The following ASTN2 variants were observed in gnomAD, a reference collection of about 807,000 sequenced individuals.
ASTN2 encodes astrotactin 2.
ASTN2 carries 54 observed loss-of-function variants against 139.8 expected under a neutral mutation model. The ratio of observed to expected loss-of-function variants is 0.39; its 90% CI spans 0.31 to 0.48. ASTN2 has a LOEUF of 0.48. ASTN2 is among the 20% of genes least tolerant of loss of function. ASTN2 has a pLI of 0.95. For synonymous variants in ASTN2, 756 were observed against 719.5 expected (o/e 1.05, Z -0.81); for missense variants, 1,565 against 1,725.1 (o/e 0.91, Z 1.64).
intron 10 of ASTN2, among the ~76,000 whole-genome samples, chr9:116,945,928 T>C (rs564141792): frequency 6.6e-6 from 1 of 152,290 alleles, no homozygotes; most frequent in African/African-American, 2.4e-5. Flanking sequence ...ACAGAGAGCA[T>C]AACTGGGAGG....
intron 19 of ASTN2, among the ~76,000 whole-genome samples, chr9:116,607,302 T>C (rs868094808): frequency 6.6e-6 from 1 of 152,152 alleles, no homozygotes; most frequent in African/African-American, 2.4e-5. Context: ...CATATAAGGA[T>C]ACAAGATTCA....
At chr9:116,704,096 T>A (rs1827925540) in intron 16 of ASTN2, among the ~76,000 whole-genome samples, 1 of 152,216 alleles carries the variant, frequency 6.6e-6, no homozygotes, top group Admixed American at 6.5e-5. Flanking sequence ...GAAGTCAGGC[T>A]TGTGTCTGAA....
At chr9:116,791,036 AAAG>A (rs373149171) in intron 13 of ASTN2, among the ~76,000 whole-genome samples, 7,988 of 102,840 alleles carry the variant, frequency 0.078, 644 homozygotes, top group East Asian at 0.38. Flanking sequence ...AGAAAGAAAG[AAAG>A]AAAGAAAAGA....
intron 3 of ASTN2, among the ~76,000 whole-genome samples, chr9:117,198,777 T>C (rs1831599351): frequency 1.3e-5 from 2 of 152,206 alleles, no homozygotes; most frequent in Admixed American, 1.3e-4. Context: ...CATTCCTATT[T>C]CTCCATATCT....
At chr9:116,634,589 CAAAAAAAAAAAAAA>C (rs57882262) in intron 17 of ASTN2, among the ~76,000 whole-genome samples, 1 of 104,236 alleles carries the variant, frequency 9.6e-6, no homozygotes, top group East Asian at 2.4e-4. Context: ...GACTCCGTCT[CAAAAAAAAAAAAAA>C]AAAAAAAAAA....
chr9:117,413,717 C>A (rs1440544480), intron 1 of ASTN2, among the ~76,000 whole-genome samples: 1 of 152,194 alleles, frequency 6.6e-6, no homozygotes, highest in Non-Finnish European at 1.5e-5. Flanking sequence ...CTCCTCTCCT[C>A]TCCTTTTTCT....
At chr9:116,876,215 G>C (rs1265122579) in intron 10 of ASTN2, among the ~76,000 whole-genome samples, 1 of 152,136 alleles carries the variant, frequency 6.6e-6, no homozygotes, top group Admixed American at 6.6e-5. Flanking sequence ...GGGGTTCAAG[G>C]CTTCAGTGGA....
At chr9:116,761,207 T>G (rs1829664204) in intron 13 of ASTN2, among the ~76,000 whole-genome samples, 1 of 152,244 alleles carries the variant, frequency 6.6e-6, no homozygotes, top group South Asian at 2.1e-4. Context: ...AAACATTTGC[T>G]GATTGCTATT....
At chr9:116,508,175 G>T (rs1587904235) in intron 19 of ASTN2, among the ~76,000 whole-genome samples, 1 of 152,334 alleles carries the variant, frequency 6.6e-6, no homozygotes. Flanking sequence ...ACAGGCGTGA[G>T]CCACCACGCC....
chr9:116,431,624 T>C (rs984002364), intron 22 of ASTN2, among the ~76,000 whole-genome samples: 2 of 152,174 alleles, frequency 1.3e-5, no homozygotes, highest in Non-Finnish European at 2.9e-5. Flanking sequence ...TACATTGTTG[T>C]AGCAACAAAA....
rs1829015204 is a variant in ASTN2 at position 117,340,002 on chromosome 9, G to C, written c.443-48489C>G. 2.6e-5 allele frequency among the ~76,000 whole-genome samples: 4 copies of C among 151,676 alleles called. No individual in the cohort carries two copies. The South Asian group carries it at 8.3e-4, about 32-fold the overall frequency. Reference sequence around the variant, plus strand: ...CCTGTTGAGGAAAAGGCATGGCCCAGAGTGTGGCCTTAGTTACCTGGACAG... The same window carrying C: ...CCTGTTGAGGAAAAGGCATGGCCCACAGTGTGGCCTTAGTTACCTGGACAG... On this transcript the variant is annotated intron_variant, in intron 1 of 22. Transcript: ENST00000313400.
At chr9:117,058,269 T>C (rs1839124872) in intron 5 of ASTN2, among the ~76,000 whole-genome samples, 1 of 152,198 alleles carries the variant, frequency 6.6e-6, no homozygotes, top group South Asian at 2.1e-4. Context: ...CATGGGATCA[T>C]CCTAAGGCAG....
At chr9:117,179,223 A>G (rs1830994428) in intron 3 of ASTN2, among the ~76,000 whole-genome samples, 1 of 152,214 alleles carries the variant, frequency 6.6e-6, no homozygotes, top group Admixed American at 6.5e-5. Flanking sequence ...TACTTTGGGA[A>G]GGACAAGACT....
At chr9:117,363,413 G>A (rs980553046) in intron 1 of ASTN2, among the ~76,000 whole-genome samples, 6 of 152,124 alleles carry the variant, frequency 3.9e-5, no homozygotes, top group East Asian at 1.9e-4. Flanking sequence ...AAAACAAAGC[G>A]CAGAAGAAAT....
At chr9:117,225,535 G>GTATGTATATATATATATATATATATATA (rs369914209) in intron 2 of ASTN2, among the ~76,000 whole-genome samples, 1 of 63,922 alleles carries the variant, frequency 1.6e-5, no homozygotes, top group African/African-American at 4.4e-5. Flanking sequence ...CAAGCTGTAT[G>GTATGTATATATATATATATATATATATA]TATATATATA....
chr9:116,651,585 C>A lies in ASTN2; in HGVS notation c.3015G>T (p.Leu1005=), dbSNP rs1480881610. ...AAAGTGGCACCACACGGTTGATTTC[C>A]AGCAGCACTGGTGTGGGGCTCAGCT... ...KEQLSPTPVL[L]EINRVVPLYT... The change falls in exon 17 of 23, where the codon CTG becomes CTT. Residue 1005 remains leucine (L), a synonymous_variant. Coordinates refer to ENST00000313400, the MANE Select transcript of ASTN2 (RefSeq NM_001365068.1). 6.2e-7 allele frequency: 1 copy of A among 1,614,182 alleles called. No individual in the cohort carries two copies. The highest frequency in any genetic ancestry group is 1.7e-5 in the Admixed American group (1 of 60,030).
intron 16 of ASTN2, chr9:116,687,209 C>A: frequency 4.0e-6 from 4 of 1,008,606 alleles, no homozygotes; most frequent in Non-Finnish European, 4.7e-6. Flanking sequence ...TTGCCCCGCG[C>A]GCTTGGGGCC....
At chr9:117,180,027 A>G (rs1831017167) in intron 3 of ASTN2, among the ~76,000 whole-genome samples, 1 of 152,188 alleles carries the variant, frequency 6.6e-6, no homozygotes, top group Non-Finnish European at 1.5e-5. Flanking sequence ...AAAGCTTTGA[A>G]TAAAATGCAG....
chr9:117,398,746 C>T (rs79604251), intron 1 of ASTN2, among the ~76,000 whole-genome samples: 7,201 of 152,164 alleles, frequency 0.047, 552 homozygotes, highest in African/African-American at 0.16. Flanking sequence ...ACAATATCTC[C>T]GAATTGCATT....
Sources: gnomAD v4.1 joint callset for allele counts (sites outside exome capture counted in the v4.1 genomes callset) on GRCh38, gnomAD v4.1.1 for gene constraint, MANE v1.5 for transcripts, NCBI Gene and HGNC (gene_info 2026-07-23, HGNC 2026-07-21) for gene names.